Variants in METAP1D observed in about 807,000 individuals in gnomAD.
The protein encoded by METAP1D is methionine aminopeptidase 1D, mitochondrial.
In METAP1D, 31 loss-of-function variants were observed where a neutral mutation model predicts 40.5. The observed-to-expected ratio is 0.77, with a 90% CI of 0.58 to 1.03. The LOEUF (loss-of-function observed/expected upper bound fraction) is 1.03, where lower values mean the gene tolerates loss of function less well. Among genes scored for constraint, METAP1D ranks in the 50% least tolerant of loss-of-function variants. METAP1D has a pLI of 0.00. For missense variants in METAP1D, 411 were observed against 420.7 expected, an observed-to-expected ratio of 0.98 and a Z score of 0.20; for synonymous variants, 151 against 146.4, an observed-to-expected ratio of 1.03 and a Z score of -0.22.
chr2:172,060,252 C>A (rs1690107286), intron 1 of METAP1D, among the ~76,000 whole-genome samples: 1 of 151,392 alleles, frequency 6.6e-6, no homozygotes, highest in African/African-American at 2.4e-5. Flanking sequence ...CCCATCTCTA[C>A]AAAAAATACA....
chr2:172,008,040 T>G (rs959147228), intron 1 of METAP1D, among the ~76,000 whole-genome samples: 1 of 151,260 alleles, frequency 6.6e-6, no homozygotes, highest in Non-Finnish European at 1.5e-5. Context: ...TTTTTTTTTT[T>G]GAAAATTATT....
chr2:172,049,945 A>G (rs1402951411), intron 1 of METAP1D, among the ~76,000 whole-genome samples: 1 of 152,204 alleles, frequency 6.6e-6, no homozygotes, highest in Non-Finnish European at 1.5e-5. Context: ...TTGATATTCA[A>G]ATGTTTTCTT....
At chr2:172,006,463 G>A (rs1174498381) in intron 1 of METAP1D, among the ~76,000 whole-genome samples, 1 of 152,174 alleles carries the variant, frequency 6.6e-6, no homozygotes, top group African/African-American at 2.4e-5. Context: ...GATTACAGGT[G>A]TGAGCCACTG....
At chr2:172,079,049 A>G (rs1690625819) in intron 7 of METAP1D, among the ~76,000 whole-genome samples, 166 bp from the exon 8 acceptor site, 1 of 152,182 alleles carries the variant, frequency 6.6e-6, no homozygotes, top group Non-Finnish European at 1.5e-5. Flanking sequence ...CCCCGTGTTT[A>G]ACTCCTGGTC....
Position 172,061,515 on chromosome 2 carries a change from T to G in METAP1D, c.58T>G (p.Ser20Ala), listed in dbSNP as rs753993921. ...GCTCACAGGTTCTCATAGAATTTTCTCTTCACCACTCAATCATATCTACTT... is the reference window on the plus strand; with the variant it reads ...GCTCACAGGTTCTCATAGAATTTTCGCTTCACCACTCAATCATATCTACTT... ...LVRRGSHRIF[S>A]SPLNHIYLHK... Residue 20 changes from serine to alanine, a missense_variant, in exon 2 of 10, where the codon TCT becomes GCT. By Grantham distance (99) the Ser-to-Ala change is moderately conservative. Coordinates refer to ENST00000315796, the MANE Select transcript of METAP1D (RefSeq NM_199227.3). 1 of 1,609,256 alleles carries G rather than the reference T, an allele frequency of 6.2e-7. No homozygotes were observed. Among genetic ancestry groups the G allele is most frequent in the Non-Finnish European group, 8.5e-7 (1 of 1,178,754 alleles).
In METAP1D at chr2:172,049,565, A is replaced by G. The variant is rs10167594; in HGVS notation, c.41-11933A>G. ...TAATACCAAAAACTGTCGAGTGAGTATTCATATGGTCAACCAGGTATACCT... is the reference window on the plus strand; with the variant it reads ...TAATACCAAAAACTGTCGAGTGAGTGTTCATATGGTCAACCAGGTATACCT... On this transcript the variant is annotated intron_variant, in intron 1 of 9. Transcript: ENST00000315796. 0.039 allele frequency among the ~76,000 whole-genome samples: 5,982 copies of G among 152,180 alleles called. 645 individuals carry two copies. The East Asian group carries it at 0.45, about 11-fold the overall frequency.
At chr2:172,003,840 C>T (rs535491481) in intron 1 of METAP1D, among the ~76,000 whole-genome samples, 2 of 152,206 alleles carry the variant, frequency 1.3e-5, no homozygotes, top group South Asian at 2.1e-4. Flanking sequence ...TCTTGGCTCA[C>T]TGCAACCTCT....
At chr2:172,020,320 C>T (rs537557347) in intron 1 of METAP1D, among the ~76,000 whole-genome samples, 1 of 152,262 alleles carries the variant, frequency 6.6e-6, no homozygotes, top group East Asian at 1.9e-4. Flanking sequence ...AAATCTACTT[C>T]AACTCTGAAA....
chr2:172,077,078 T>C (rs1690564103), intron 6 of METAP1D, among the ~76,000 whole-genome samples: 1 of 152,230 alleles, frequency 6.6e-6, no homozygotes, highest in South Asian at 2.1e-4. Context: ...CACATACATG[T>C]AATGAAGTAA....
chr2:172,061,190 T>C (rs1340625458), intron 1 of METAP1D, among the ~76,000 whole-genome samples: 1 of 152,202 alleles, frequency 6.6e-6, no homozygotes, highest in Non-Finnish European at 1.5e-5. Flanking sequence ...ACATAAGGTA[T>C]TACAGCAGAA....
At chr2:172,046,994 T>C (rs1574124072) in intron 1 of METAP1D, among the ~76,000 whole-genome samples, 1 of 152,356 alleles carries the variant, frequency 6.6e-6, no homozygotes, top group African/African-American at 2.4e-5. Flanking sequence ...ATTGTGTAAA[T>C]AGGTCTGTGA....
intron 1 of METAP1D, among the ~76,000 whole-genome samples, chr2:172,043,072 T>TGTGTGTG (rs1476604057): frequency 5.4e-5 from 6 of 110,126 alleles, no homozygotes; most frequent in Admixed American, 4.6e-4. Context: ...TATATATACG[T>TGTGTGTG]GTGTGTGTAC....
intron 1 of METAP1D, among the ~76,000 whole-genome samples, chr2:172,017,286 T>C (rs985629846): frequency 3.3e-5 from 5 of 150,282 alleles, no homozygotes; most frequent in South Asian, 2.1e-4. Context: ...TTTATATATA[T>C]ACACATATAT....
intron 1 of METAP1D, among the ~76,000 whole-genome samples, chr2:172,013,268 C>G (rs746533408): frequency 6.6e-6 from 1 of 152,196 alleles, no homozygotes; most frequent in Admixed American, 6.5e-5. Context: ...AGGTCCACCC[C>G]CTCCTGCCTC....
chr2:172,008,611 A>G (rs1688642277), intron 1 of METAP1D, among the ~76,000 whole-genome samples: 1 of 152,238 alleles, frequency 6.6e-6, no homozygotes, highest in African/African-American at 2.4e-5. Context: ...TAAATTAGGC[A>G]GAGTATGAAA....
At chr2:172,057,331 A>C (rs1690025940) in intron 1 of METAP1D, among the ~76,000 whole-genome samples, 1 of 152,180 alleles carries the variant, frequency 6.6e-6, no homozygotes, top group African/African-American at 2.4e-5. Context: ...AGTAATTATA[A>C]TACTTTCCTC....
intron 1 of METAP1D, chr2:172,021,800 T>G (rs1442091004): frequency 6.6e-6 from 1 of 152,094 alleles, no homozygotes; most frequent in Admixed American, 6.6e-5. Flanking sequence ...CAAACTCCCA[T>G]GCAGAATGAG....
rs767690441 is a variant in METAP1D at position 172,066,321 on chromosome 2, T to C, written c.540+15T>C. The C allele has an allele frequency of 1.2e-6, 2 of 1,604,244 alleles. No individual in the cohort carries two copies. Among genetic ancestry groups the C allele is most frequent in the Admixed American group, 1.7e-5 (1 of 59,044 alleles). On this transcript the variant is annotated intron_variant, in intron 5 of 9. Coordinates refer to ENST00000315796, the MANE Select transcript of METAP1D (RefSeq NM_199227.3). ...TTGATGTCACAGTGAGTAAATCATA[T>C]AAAAAATTGTCTTTGATCAACTTCA...
At chr2:172,055,350 A>G (rs1028640586) in intron 1 of METAP1D, among the ~76,000 whole-genome samples, 2 of 152,236 alleles carry the variant, frequency 1.3e-5, no homozygotes, top group African/African-American at 4.8e-5. Context: ...AATGAATTAT[A>G]TAGGAAATTC....
Sources: allele counts gnomAD v4.1 joint callset (sites outside exome capture counted in the v4.1 genomes callset), GRCh38; gene constraint gnomAD v4.1.1; transcripts MANE v1.5; gene names NCBI Gene and HGNC (gene_info 2026-07-23, HGNC 2026-07-21).